Variants in LHPP observed in about 807,000 individuals in gnomAD.
LHPP encodes phospholysine phosphohistidine inorganic pyrophosphate phosphatase, also known as hLHPP.
Under a neutral mutation model 30.3 loss-of-function variants are expected in LHPP, and 24 were observed. The ratio of observed to expected loss-of-function variants is 0.79; its 90% CI spans 0.57 to 1.11. LHPP has a LOEUF of 1.11. Ranked by LOEUF, LHPP falls within the 50% of genes most tolerant of loss-of-function variation. LHPP has a pLI of 0.00. For synonymous variants in LHPP, 150 were observed against 157.1 expected (o/e 0.95, Z 0.34); for missense variants, 356 against 367.2 (o/e 0.97, Z 0.25).
intron 2 of LHPP, among the ~76,000 whole-genome samples, chr10:124,487,442 CTTTTT>C (rs140426240): frequency 2.8e-5 from 3 of 107,784 alleles, no homozygotes; most frequent in Non-Finnish European, 3.8e-5. Context: ...TTCTTTCTTT[CTTTTT>C]TTTTTTTTTT....
In LHPP at chr10:124,496,688, C is replaced by A. The variant is rs118097523; in HGVS notation, c.468-273C>A. 6.6e-6 allele frequency among the ~76,000 whole-genome samples: 1 copy of A among 152,240 alleles called. No homozygotes were observed. Among genetic ancestry groups the A allele is most frequent in the African/African-American group, 2.4e-5 (1 of 41,464 alleles). The stretch of plus-strand genomic sequence containing the variant: ...GTTAATCATTGCAGCAGGGTCCCCA[C>A]GAGTCTGACAGCAGGGTTGCGTTCT... On this transcript the variant is annotated intron_variant, in intron 3 of 6. Transcript: ENST00000368842. This position sits in a 1 kb window ranked among gnomAD's most constrained non-coding sequence, Gnocchi z 4.3.
In LHPP at chr10:124,503,729, C is replaced by T. The variant is rs1953979940; in HGVS notation, c.624+5601C>T. On this transcript the variant is annotated intron_variant, in intron 5 of 6. Coordinates refer to ENST00000368842, the MANE Select transcript of LHPP (RefSeq NM_022126.4). ...GTAGCCATGTTTATAAATATTAAAG[C>T]TATAAATATTTTATAAATATTATAG... Among the ~76,000 whole-genome samples the T allele has an allele frequency of 2.6e-5, 4 of 151,352 alleles. No individual in the cohort carries two copies. The South Asian group carries it at 6.3e-4, about 24-fold the overall frequency.
At chr10:124,465,513 A>G (rs541354973) in intron 1 of LHPP, among the ~76,000 whole-genome samples, 1 of 152,368 alleles carries the variant, frequency 6.6e-6, no homozygotes, top group African/African-American at 2.4e-5. Flanking sequence ...CTTGAAATCT[A>G]GAAAGCAAAA....
intron 6 of LHPP, among the ~76,000 whole-genome samples, chr10:124,534,607 C>T (rs1370588591): frequency 2.6e-5 from 4 of 152,362 alleles, no homozygotes; most frequent in Middle Eastern, 3.4e-3. Flanking sequence ...AAGCGGATCA[C>T]GTGAGGGGCC....
At chr10:124,519,345 A>G (rs867114785) in intron 6 of LHPP, among the ~76,000 whole-genome samples, 23 of 152,172 alleles carry the variant, frequency 1.5e-4, no homozygotes, top group African/African-American at 5.3e-4. Flanking sequence ...TTTTCTTTTT[A>G]TAAAAATGGG....
rs192852191 is a variant in LHPP at position 124,466,918 on chromosome 10, A to G, written c.125+4931A>G. On this transcript the variant is annotated intron_variant, in intron 1 of 6. Coordinates refer to ENST00000368842, the MANE Select transcript of LHPP (RefSeq NM_022126.4). ...ACTTTGGGAGGCTGGAGGTAGAAGGATTGAGACCAGCCTGGGCAACACAGC... is the reference window on the plus strand; with the variant it reads ...ACTTTGGGAGGCTGGAGGTAGAAGGGTTGAGACCAGCCTGGGCAACACAGC... 6.1e-3 allele frequency among the ~76,000 whole-genome samples: 913 copies of G among 150,628 alleles called. 15 individuals carry two copies. The highest frequency in any genetic ancestry group is 0.021 in the African/African-American group (879 of 41,130).
At chr10:124,476,017 C>A (rs1313998594) in intron 1 of LHPP, among the ~76,000 whole-genome samples, 1 of 152,172 alleles carries the variant, frequency 6.6e-6, no homozygotes, top group East Asian at 1.9e-4. Flanking sequence ...TCCCTGTGAT[C>A]TGGGCTCCGT....
chr10:124,465,601 G>A (rs776264401), intron 1 of LHPP, among the ~76,000 whole-genome samples: 4 of 152,164 alleles, frequency 2.6e-5, no homozygotes, highest in Non-Finnish European at 4.4e-5. Flanking sequence ...GAGAGGCTCC[G>A]CCTTACTCAA....
At chr10:124,536,266 T>C (rs551919497) in intron 6 of LHPP, among the ~76,000 whole-genome samples, 1 of 152,366 alleles carries the variant, frequency 6.6e-6, no homozygotes, top group East Asian at 1.9e-4. Context: ...TGTCTGGGGC[T>C]GGAAGTCAGT....
At position 124,551,539 on chromosome 10, in the gene LHPP, C is replaced by T. The variant is rs138303550; in HGVS notation, c.716+34268C>T. Among the ~76,000 whole-genome samples, 600 of 152,258 alleles carry T rather than the reference C, an allele frequency of 3.9e-3. 4 individuals carry two copies. Among genetic ancestry groups the T allele is most frequent in the African/African-American group, 0.014 (579 of 41,560 alleles). ...AGGACCCTCGGGGTGGAGGCTGGTGCGTGGGGAGGTAAGGGTCAGGTGGTG... is the reference window on the plus strand; with the variant it reads ...AGGACCCTCGGGGTGGAGGCTGGTGTGTGGGGAGGTAAGGGTCAGGTGGTG... On this transcript the variant is annotated intron_variant, in intron 6 of 6. Transcript: ENST00000368842.
intron 6 of LHPP, among the ~76,000 whole-genome samples, chr10:124,571,590 C>G (rs569695708): frequency 6.6e-6 from 1 of 152,186 alleles, no homozygotes; most frequent in Non-Finnish European, 1.5e-5. Context: ...CAGAGCCCCC[C>G]GTGTTTCAGA....
At chr10:124,531,519 T>C (rs1048656258) in intron 6 of LHPP, among the ~76,000 whole-genome samples, 8 of 152,254 alleles carry the variant, frequency 5.3e-5, no homozygotes, top group Non-Finnish European at 1.0e-4. Flanking sequence ...CAGGCAGCTC[T>C]CTCTGGTCTC....
intron 1 of LHPP, among the ~76,000 whole-genome samples, chr10:124,469,358 T>A (rs1952658673): frequency 6.6e-6 from 1 of 152,072 alleles, no homozygotes; most frequent in Non-Finnish European, 1.5e-5. Flanking sequence ...GTCCTCCGAT[T>A]TTATTGAGGG....
chr10:124,496,952 C>T lies in LHPP; in HGVS notation c.468-9C>T. On this transcript the variant is annotated splice_polypyrimidine_tract_variant and intron_variant, in intron 3 of 6. Transcript: ENST00000368842. This position sits in a 1 kb window ranked among gnomAD's most constrained non-coding sequence, Gnocchi z 4.3. ...TCAGCATCCCGTGCTCCGTTCTGCT[C>T]TCTCCTAGGCGTTACTACAAGGAGA... The T allele has an allele frequency of 6.2e-7, 1 of 1,612,424 alleles. No homozygotes were observed.
chr10:124,473,976 C>T (rs78075200), intron 1 of LHPP, among the ~76,000 whole-genome samples: 10 of 151,724 alleles, frequency 6.6e-5, no homozygotes, highest in African/African-American at 1.5e-4. Flanking sequence ...CAAAAGCCAA[C>T]GTTTTCCTTT....
intron 6 of LHPP, among the ~76,000 whole-genome samples, chr10:124,591,666 A>C (rs555972346): frequency 4.8e-4 from 73 of 151,902 alleles, no homozygotes; most frequent in African/African-American, 1.7e-3. Context: ...TTAAGATGGG[A>C]GCTTCAGTGA....
chr10:124,535,009 G>A (rs1224931813), intron 6 of LHPP, among the ~76,000 whole-genome samples: 1 of 152,314 alleles, frequency 6.6e-6, no homozygotes, highest in Non-Finnish European at 1.5e-5. Flanking sequence ...GCAGGCACCC[G>A]GGCTGTGGCC....
intron 6 of LHPP, among the ~76,000 whole-genome samples, chr10:124,578,507 C>G (rs17695753): frequency 6.6e-6 from 1 of 152,198 alleles, no homozygotes; most frequent in Admixed American, 6.5e-5. Flanking sequence ...ACTGGCGGGA[C>G]GCAAACGGTT....
At chr10:124,483,191 G>C (rs928010035) in intron 1 of LHPP, among the ~76,000 whole-genome samples, 2 of 152,198 alleles carry the variant, frequency 1.3e-5, no homozygotes, top group Non-Finnish European at 2.9e-5. Flanking sequence ...CGTCCTGTCT[G>C]TCCATCCCGG....
Sources: allele counts gnomAD v4.1 joint callset (sites outside exome capture counted in the v4.1 genomes callset), GRCh38; gene constraint gnomAD v4.1.1; non-coding constraint Gnocchi (gnomAD v3.1); transcripts MANE v1.5; gene names NCBI Gene and HGNC (gene_info 2026-07-23, HGNC 2026-07-21).